TEKT5: variants seen among roughly 807,000 people sequenced by gnomAD.
TEKT5 encodes the protein tektin 5, also known as tektin-5.
Under a neutral mutation model 48.7 loss-of-function variants are expected in TEKT5, and 52 were observed. The ratio of observed to expected loss-of-function variants is 1.07; its 90% CI spans 0.86 to 1.35. The LOEUF (loss-of-function observed/expected upper bound fraction) is 1.35, where lower values mean the gene tolerates loss of function less well. Ranked by LOEUF, TEKT5 falls within the 40% of genes most tolerant of loss-of-function variation. TEKT5 has a pLI of 0.00. For synonymous variants in TEKT5, 318 were observed against 267.6 expected, an observed-to-expected ratio of 1.19 and a Z score of -1.84; for missense variants, 831 against 641.6, an observed-to-expected ratio of 1.30 and a Z score of -3.19.
chr16:10,644,057 A>G (rs1182062259), intron 5 of TEKT5, among the ~76,000 whole-genome samples: 1 of 152,182 alleles, frequency 6.6e-6, no homozygotes, highest in African/African-American at 2.4e-5. Flanking sequence ...AATAAATAAA[A>G]TAACATAAAA....
At chr16:10,673,034 G>A (rs1458075437) in intron 5 of TEKT5, among the ~76,000 whole-genome samples, 1 of 152,124 alleles carries the variant, frequency 6.6e-6, no homozygotes, top group East Asian at 1.9e-4. Context: ...GAGGCTCAGA[G>A]AAGTTAAGAA....
intron 5 of TEKT5, among the ~76,000 whole-genome samples, chr16:10,655,294 T>C (rs59550899): frequency 0.07 from 10,637 of 152,114 alleles, 1,258 homozygotes; most frequent in African/African-American, 0.24. Context: ...GGAGGGAGTG[T>C]AGTCCATTAG....
chr16:10,658,978 A>G (rs59071398), intron 5 of TEKT5, among the ~76,000 whole-genome samples: 2,367 of 152,304 alleles, frequency 0.016, 55 homozygotes, highest in African/African-American at 0.054. Flanking sequence ...TCAGTCTCCC[A>G]AAGTGCTAGG....
intron 5 of TEKT5, among the ~76,000 whole-genome samples, chr16:10,672,712 CAT>C (rs2099231849): frequency 6.6e-6 from 1 of 152,172 alleles, no homozygotes; most frequent in Non-Finnish European, 1.5e-5. Flanking sequence ...GCTCTGAAAA[CAT>C]ATAGGCAAGT....
chr16:10,694,912 A>G lies in TEKT5; in HGVS notation c.-39T>C, dbSNP rs1287949141. On this transcript the variant is annotated 5_prime_UTR_variant, in exon 1 of 7. Coordinates refer to ENST00000283025, the MANE Select transcript of TEKT5 (RefSeq NM_144674.2). ...CCCCACTCGGGCAAAACTCAGCTCA[A>G]GGAGCCAAAGGCATCACCAGGAAAG... 2.0e-6 allele frequency: 3 copies of G among 1,506,900 alleles called. No homozygotes were observed. Among genetic ancestry groups the G allele is most frequent in the Non-Finnish European group, 2.6e-6 (3 of 1,133,638 alleles). The allele number at this position is 1,506,900 out of a possible 1,614,324, so 93.3% of individuals were successfully genotyped here.
At position 10,630,489 on chromosome 16, in the gene TEKT5, C is replaced by A. The variant is rs578242232; in HGVS notation, c.1242-2690G>T. Reference sequence around the variant, plus strand: ...CTCCTGGGCTTAAGTGATCCTCCTCCCTCCGCCTCCCAGGAGAGGACTTTG... The same window carrying A: ...CTCCTGGGCTTAAGTGATCCTCCTCACTCCGCCTCCCAGGAGAGGACTTTG... On this transcript the variant is annotated intron_variant, in intron 6 of 6. Coordinates refer to ENST00000283025, the MANE Select transcript of TEKT5 (RefSeq NM_144674.2). Among the ~76,000 whole-genome samples the A allele has an allele frequency of 1.2e-4, 18 of 152,282 alleles. 1 individual carries two copies. In the South Asian group the frequency reaches 1.7e-3, roughly 14 times the overall value.
At chr16:10,663,112 C>T (rs2466120) in intron 5 of TEKT5, among the ~76,000 whole-genome samples, 1 of 151,828 alleles carries the variant, frequency 6.6e-6, no homozygotes, top group Admixed American at 6.6e-5. Flanking sequence ...GGTCTCTGGC[C>T]ATGCATGGGG....
chr16:10,659,524 T>C (rs377268622), intron 5 of TEKT5, among the ~76,000 whole-genome samples: 23 of 152,014 alleles, frequency 1.5e-4, no homozygotes, highest in African/African-American at 4.1e-4. Context: ...GGACTACAGG[T>C]GCCCACCACC....
chr16:10,694,706 G>C lies in TEKT5; in HGVS notation c.168C>G (p.Tyr56Ter), dbSNP rs1248789972. ...YLNSWRPSLF[Y>*]KIANVQTCPD... is the part of the protein sequence containing the mutation. ...GGCAGGTCTGGACGTTGGCTATCTTGTAGAAGAGGCTAGGCCTCCATGAAT... is the reference window on the plus strand; with the variant it reads ...GGCAGGTCTGGACGTTGGCTATCTTCTAGAAGAGGCTAGGCCTCCATGAAT... The change falls in exon 1 of 7, where the codon TAC becomes TAG. Residue 56 changes from tyrosine (Y) to a stop codon, truncating the protein, a stop_gained. Transcript: ENST00000283025. LOFTEE classifies it high-confidence loss of function. 1 of 1,613,956 alleles carries C rather than the reference G, an allele frequency of 6.2e-7. No homozygotes were observed. The highest frequency in any genetic ancestry group is 1.7e-5 in the Admixed American group (1 of 59,986).
chr16:10,657,075 T>C lies in TEKT5; in HGVS notation c.1086+18884A>G, dbSNP rs573970133. 3.3e-5 allele frequency among the ~76,000 whole-genome samples: 5 copies of C among 152,072 alleles called. No individual in the cohort carries two copies. In the South Asian group the frequency reaches 6.2e-4, roughly 19 times the overall value. On this transcript the variant is annotated intron_variant, in intron 5 of 6. Coordinates refer to ENST00000283025, the MANE Select transcript of TEKT5 (RefSeq NM_144674.2). ...CTTGAAATTCAAGCCTAGACTCAGA[T>C]TGATGGACAATTAGTTGTATATAAA... is the stretch of plus-strand genomic sequence containing the variant.
chr16:10,628,188 A>C (rs1443200375), intron 6 of TEKT5, among the ~76,000 whole-genome samples: 5 of 152,186 alleles, frequency 3.3e-5, no homozygotes, highest in Non-Finnish European at 7.3e-5. Flanking sequence ...CTCACTGTGC[A>C]CTGGGAACTG....
At chr16:10,637,479 GGAGA>G (rs1897932828) in intron 5 of TEKT5, among the ~76,000 whole-genome samples, 1 of 148,732 alleles carries the variant, frequency 6.7e-6, no homozygotes, top group African/African-American at 2.6e-5. Flanking sequence ...AGGAAGGGAG[GGAGA>G]AAGGAAGGCA....
chr16:10,650,532 A>C (rs1012952818), intron 5 of TEKT5, among the ~76,000 whole-genome samples: 7 of 152,060 alleles, frequency 4.6e-5, no homozygotes, highest in Admixed American at 6.6e-5. Flanking sequence ...ATGCCCCTTA[A>C]CATCTTGTCC....
At chr16:10,649,609 A>AT (rs1480083357) in intron 5 of TEKT5, among the ~76,000 whole-genome samples, 1 of 151,178 alleles carries the variant, frequency 6.6e-6, no homozygotes, top group Non-Finnish European at 1.5e-5. Flanking sequence ...TAGTTTTTGT[A>AT]TTTTTTTGTA....
intron 4 of TEKT5, among the ~76,000 whole-genome samples, chr16:10,679,806 A>G (rs1175544257): frequency 1.3e-5 from 2 of 152,168 alleles, no homozygotes; most frequent in African/African-American, 4.8e-5. Context: ...CTGAGGCAGG[A>G]GCATCGCTTG....
rs377726693 is a variant in TEKT5, at chr16:10,694,560, G to A, written c.314C>T (p.Ala105Val). 2.5e-6 allele frequency: 4 copies of A among 1,602,776 alleles called. No homozygotes were observed. The highest frequency in any genetic ancestry group is 1.7e-6 in the Non-Finnish European group (2 of 1,174,436). ...GCTGGCCCACAGCCGGGAGGCCTCGGCCCCACGCACCTGCAGCTGGTTGGA... is the reference window on the plus strand; with the variant it reads ...GCTGGCCCACAGCCGGGAGGCCTCGACCCCACGCACCTGCAGCTGGTTGGA... ...DQSNQLQVRG[A>V]EASRLWASRL... Residue 105 changes from alanine (A) to valine (V), a missense_variant, in exon 1 of 7, where the codon GCC (alanine) becomes GTC (valine). Physicochemically the swap from Ala to Val is moderately conservative, Grantham distance 64. Transcript: ENST00000283025.
At chr16:10,653,999 C>T (rs888309583) in intron 5 of TEKT5, among the ~76,000 whole-genome samples, 7 of 149,636 alleles carry the variant, frequency 4.7e-5, no homozygotes, top group Non-Finnish European at 1.0e-4. Flanking sequence ...TGTGTGTGAA[C>T]GTGTGTGTGT....
chr16:10,648,740 T>C (rs1172785323), intron 5 of TEKT5, among the ~76,000 whole-genome samples: 2 of 152,240 alleles, frequency 1.3e-5, no homozygotes, highest in African/African-American at 2.4e-5. Context: ...GGTGCCAGCC[T>C]ATCTTTGTCT....
chr16:10,674,263 T>C (rs1898601682), intron 5 of TEKT5, among the ~76,000 whole-genome samples: 1 of 152,152 alleles, frequency 6.6e-6, no homozygotes, highest in South Asian at 2.1e-4. Context: ...CTCCACCCAG[T>C]GTGGGTCCCA....
Sources: allele counts gnomAD v4.1 joint callset (sites outside exome capture counted in the v4.1 genomes callset), GRCh38; gene constraint gnomAD v4.1.1; transcripts MANE v1.5; gene names NCBI Gene and HGNC (gene_info 2026-07-23, HGNC 2026-07-21).